Variants in GOLGA2 observed in about 807,000 individuals in gnomAD.
GOLGA2 encodes the protein golgin A2.
Under a neutral mutation model 148.8 loss-of-function variants are expected in GOLGA2, and 49 were observed. The ratio of observed to expected loss-of-function variants is 0.33; its 90% CI spans 0.26 to 0.42. The LOEUF (loss-of-function observed/expected upper bound fraction) is 0.42. Ranked by LOEUF, GOLGA2 falls within the 10% of genes least tolerant of loss-of-function variation. GOLGA2 has a pLI of 1.00. For synonymous variants in GOLGA2, 501 were observed against 511.8 expected (o/e 0.98, Z 0.28); for missense variants, 1,178 against 1,304.6 (o/e 0.90, Z 1.49).
In GOLGA2 at chr9:128,261,832, G is replaced by A; in HGVS notation, c.1135-75C>T. ...CAAATAGTGCCCCTTAAAAGGGCTA[G>A]GGCTAGGCTCAATGTGCAACTCAGT... On this transcript the variant is annotated intron_variant, in intron 14 of 26. Coordinates refer to ENST00000611957, the MANE Select transcript of GOLGA2 (RefSeq NM_001366244.2). The surrounding 1 kb of genome is among the most constrained non-coding windows in gnomAD (Gnocchi z 5.7). 1 of 881,592 alleles carries A rather than the reference G, an allele frequency of 1.1e-6. No individual in the cohort carries two copies. The highest frequency in any genetic ancestry group is 1.9e-6 in the Non-Finnish European group (1 of 519,618). The allele number at this position is 881,592 out of a possible 1,614,324, so 54.6% of individuals were successfully genotyped here. A position where few individuals can be genotyped will look rare whatever the true frequency, so the allele number is the denominator to read the frequency against.
rs749131277 is a variant in GOLGA2, at chr9:128,265,865, A to G, written c.749T>C (p.Ile250Thr). ...REQLQVHIQTIGILVSEKAEL... is the reference protein window; with the variant it reads ...REQLQVHIQTTGILVSEKAEL... ...AGCTTTCTCTGATACGAGGATCCCT[A>G]TGGTCTGAATGTGAACCTTTGGGAG... Residue 250 changes from isoleucine to threonine, a missense_variant, in exon 11 of 27, where the codon ATA becomes ACA. Coordinates refer to ENST00000611957, the MANE Select transcript of GOLGA2 (RefSeq NM_001366244.2). 1 of 1,613,314 alleles carries G rather than the reference A, an allele frequency of 6.2e-7. No homozygotes were observed. The highest frequency in any genetic ancestry group is 2.2e-5 in the East Asian group (1 of 44,874).
chr9:128,258,538 C>A lies in GOLGA2; in HGVS notation c.2206G>T (p.Glu736Ter). The A allele has an allele frequency of 6.3e-7, 1 of 1,582,272 alleles. No individual in the cohort carries two copies. The highest frequency in any genetic ancestry group is 8.6e-7 in the Non-Finnish European group (1 of 1,165,732). The change falls in exon 22 of 27, where the codon GAG (glutamate) becomes TAG (stop). Residue 736 changes from glutamate to a stop codon, truncating the protein, a stop_gained. Coordinates refer to ENST00000611957, the MANE Select transcript of GOLGA2 (RefSeq NM_001366244.2). LOFTEE classifies it high-confidence loss of function. The surrounding 1 kb of genome is among the most constrained non-coding windows in gnomAD (Gnocchi z 6.6). The stretch of plus-strand genomic sequence containing the variant: ...ACCGCCTCCTCCTCCTCCTCCTCCT[C>A]ATCCTCCTCCTCCTCCCGGTCCAGT... ...DGLDREEEEDEEEEEEEAVAV... is the reference protein window; with the variant it reads ...DGLDREEEED
Position 128,275,935 on chromosome 9 carries a change from C to G in GOLGA2, c.42G>C (p.Ser14=), listed in dbSNP as rs375897790. The G allele has an allele frequency of 1.9e-6, 3 of 1,593,734 alleles. No individual in the cohort carries two copies. The highest frequency in any genetic ancestry group is 2.6e-6 in the Non-Finnish European group (3 of 1,171,538). The stretch of plus-strand genomic sequence containing the variant: ...CCAATTTGCTCTGTCGGGTTTCTTC[C>G]GACATCGCGGGGCGGGGAGGGAGGC... ...QPRLPPRPAM[S]EETRQSKLAA... Residue 14 remains serine (S), a synonymous_variant, in exon 1 of 27, where the codon TCG becomes TCC. Coordinates refer to ENST00000611957, the MANE Select transcript of GOLGA2 (RefSeq NM_001366244.2).
chr9:128,256,678 T>G lies in GOLGA2; in HGVS notation c.*389A>C. 1 of 155,574 alleles carries G rather than the reference T, an allele frequency of 6.4e-6. No homozygotes were observed. Among genetic ancestry groups the G allele is most frequent in the Non-Finnish European group, 1.4e-5 (1 of 70,526 alleles). 9.6% of individuals were successfully genotyped at this position (155,574 alleles called of 1,614,324 possible). On this transcript the variant is annotated 3_prime_UTR_variant, in exon 27 of 27. Transcript: ENST00000611957. Reference sequence around the variant, plus strand: ...GGCACGTGCCACCATGCCTGGCTAATTTTTGTATTTTTAGTAGAGACACAG... The same window carrying G: ...GGCACGTGCCACCATGCCTGGCTAAGTTTTGTATTTTTAGTAGAGACACAG...
In GOLGA2 at chr9:128,258,090, CCAG is replaced by C. The variant is rs1830012645; in HGVS notation, c.2395_2397del (p.Leu799del). ...GCCTCAGGCTCCTTCTGGGCCGAGG[CCAG>C]CAGGTGAGCCAGGCGCCGGCAGCGC... On this transcript the variant is annotated inframe_deletion, in exon 23 of 27. Transcript: ENST00000611957. The surrounding 1 kb of genome is among the most constrained non-coding windows in gnomAD (Gnocchi z 6.6). 3 of 1,610,454 alleles carry C rather than the reference CCAG, an allele frequency of 1.9e-6. No individual in the cohort carries two copies. The highest frequency in any genetic ancestry group is 2.5e-6 in the Non-Finnish European group (3 of 1,179,796).
Position 128,258,248 on chromosome 9 carries a change from G to A in GOLGA2, c.2290-50C>T. The A allele has an allele frequency of 1.4e-6, 2 of 1,414,546 alleles. No individual in the cohort carries two copies. Among genetic ancestry groups the A allele is most frequent in the Admixed American group, 2.0e-5 (1 of 49,740 alleles). 87.6% of individuals were successfully genotyped at this position (1,414,546 alleles called of 1,614,324 possible). On this transcript the variant is annotated intron_variant, in intron 22 of 26. Transcript: ENST00000611957. The surrounding 1 kb of genome is among the most constrained non-coding windows in gnomAD (Gnocchi z 6.6). ...TGTAGGAGGATATATAGGATGAACA[G>A]GGCAGGGAGGTAGAGAGCAGCCCTT... is the stretch of plus-strand genomic sequence containing the variant.
In GOLGA2 at chr9:128,261,814, T is replaced by C; in HGVS notation, c.1135-57A>G. On this transcript the variant is annotated intron_variant, in intron 14 of 26. Coordinates refer to ENST00000611957, the MANE Select transcript of GOLGA2 (RefSeq NM_001366244.2). This position sits in a 1 kb window ranked among gnomAD's most constrained non-coding sequence, Gnocchi z 5.7. ...GGGGAGCCCAGGCCGTTCCAAATAGTGCCCCTTAAAAGGGCTAGGGCTAGG... is the reference window on the plus strand; with the variant it reads ...GGGGAGCCCAGGCCGTTCCAAATAGCGCCCCTTAAAAGGGCTAGGGCTAGG... 8.7e-7 allele frequency: 1 copy of C among 1,147,146 alleles called. No individual in the cohort carries two copies. The allele number at this position is 1,147,146 out of a possible 1,614,324, so 71.1% of individuals were successfully genotyped here. A position where few individuals can be genotyped will look rare whatever the true frequency, so the allele number is the denominator to read the frequency against.
chr9:128,273,668 G>T, intron 2 of GOLGA2, 182 bp downstream of exon 2: 1 of 671,834 alleles, frequency 1.5e-6, no homozygotes, highest in South Asian at 2.1e-5. Flanking sequence ...TTATAGTTGT[G>T]AAAAGAGAGG....
chr9:128,272,881 A>C lies in GOLGA2; in HGVS notation c.208-16T>G. The C allele has an allele frequency of 1.1e-5, 13 of 1,199,144 alleles. No homozygotes were observed. The highest frequency in any genetic ancestry group is 2.4e-5 in the Admixed American group (1 of 42,462). The allele number at this position is 1,199,144 out of a possible 1,614,324, so 74.3% of individuals were successfully genotyped here. A position where few individuals can be genotyped will look rare whatever the true frequency, so the allele number is the denominator to read the frequency against. On this transcript the variant is annotated splice_polypyrimidine_tract_variant and intron_variant, in intron 2 of 26. Coordinates refer to ENST00000611957, the MANE Select transcript of GOLGA2 (RefSeq NM_001366244.2). ...TGTCCTGAATCTACAGGAGGCGAAA[A>C]GGGAAAAACAAGGGCAGGGGGAGAA...
rs1830560320 is a variant in GOLGA2, at chr9:128,265,809, G to A, written c.805C>T (p.His269Tyr). 1.2e-6 allele frequency: 2 copies of A among 1,613,496 alleles called. No homozygotes were observed. The highest frequency in any genetic ancestry group is 4.5e-5 in the East Asian group (2 of 44,884). ...ELQTALAHTQ[H>Y]AARQKEGESE... ...CCACCTTCTTTCTGCCTGGCAGCAT[G>A]CTGAGTGTGAGCCAGGGCTGTCTGT... Residue 269 changes from histidine to tyrosine, a missense_variant, in exon 11 of 27, where the codon CAT (histidine) becomes TAT (tyrosine). Transcript: ENST00000611957.
intron 12 of GOLGA2, among the ~76,000 whole-genome samples, chr9:128,264,203 G>T (rs1450337693): frequency 6.6e-6 from 1 of 151,176 alleles, no homozygotes; most frequent in African/African-American, 2.4e-5. Context: ...GGAACAGGGA[G>T]AGAGAGCGAA....
chr9:128,266,279 C>T lies in GOLGA2; in HGVS notation c.681+8G>A. On this transcript the variant is annotated splice_region_variant and intron_variant, in intron 9 of 26. Coordinates refer to ENST00000611957, the MANE Select transcript of GOLGA2 (RefSeq NM_001366244.2). This position sits in a 1 kb window ranked among gnomAD's most constrained non-coding sequence, Gnocchi z 4.2. The stretch of plus-strand genomic sequence containing the variant: ...TCATGTTGTGAGCAAACAAAGAAAT[C>T]ACGTTACTTCTTCCAACTGATCCGT... The T allele has an allele frequency of 6.2e-7, 1 of 1,609,854 alleles. No individual in the cohort carries two copies.
In GOLGA2 at chr9:128,260,024, C is replaced by G; in HGVS notation, c.1872+52G>C. ...CTGCCTCTGGCCTCACACCACCCCTCCCCAGAGGCTGGTGCCCGCCTCCCA... is the reference window on the plus strand; with the variant it reads ...CTGCCTCTGGCCTCACACCACCCCTGCCCAGAGGCTGGTGCCCGCCTCCCA... On this transcript the variant is annotated intron_variant, in intron 19 of 26. Transcript: ENST00000611957. This position sits in a 1 kb window ranked among gnomAD's most constrained non-coding sequence, Gnocchi z 4.8. The G allele has an allele frequency of 7.7e-7, 1 of 1,300,990 alleles. No individual in the cohort carries two copies. The highest frequency in any genetic ancestry group is 1.1e-6 in the Non-Finnish European group (1 of 904,742). 80.6% of individuals were successfully genotyped at this position (1,300,990 alleles called of 1,614,324 possible). A position where few individuals can be genotyped will look rare whatever the true frequency, so the allele number is the denominator to read the frequency against.
intron 4 of GOLGA2, 37 bp downstream of exon 4, chr9:128,268,383 C>G (rs780802605): frequency 1.7e-6 from 2 of 1,167,044 alleles, no homozygotes; most frequent in East Asian, 2.3e-5. Flanking sequence ...ATAATAGGTA[C>G]AGGAGGGCAG....
In GOLGA2 at chr9:128,271,596, G is replaced by A. The variant is rs1830950862; in HGVS notation, c.288+1189C>T. 6.6e-6 allele frequency among the ~76,000 whole-genome samples: 1 copy of A among 151,708 alleles called. No homozygotes were observed. Among genetic ancestry groups the A allele is most frequent in the African/African-American group, 2.4e-5 (1 of 41,274 alleles). On this transcript the variant is annotated intron_variant, in intron 3 of 26. Coordinates refer to ENST00000611957, the MANE Select transcript of GOLGA2 (RefSeq NM_001366244.2). The surrounding 1 kb of genome is among the most constrained non-coding windows in gnomAD (Gnocchi z 4.4). ...TTCACACTCTGGCCACGGCCTCACC[G>A]CTCCCCCTGCCTCCCCCACTCCCCA...
chr9:128,270,093 T>A (rs1830841122), intron 3 of GOLGA2, among the ~76,000 whole-genome samples: 1 of 151,642 alleles, frequency 6.6e-6, no homozygotes, highest in Non-Finnish European at 1.5e-5. Context: ...CCCACTGATC[T>A]CTAGGATTAG....
In GOLGA2 at chr9:128,260,023, T is replaced by A. The variant is rs145670991; in HGVS notation, c.1872+53A>T. The A allele has an allele frequency of 7.3e-3, 9,360 of 1,286,304 alleles. 48 individuals carry two copies. Among genetic ancestry groups the A allele is most frequent in the Middle Eastern group, 0.015 (66 of 4,346 alleles). 79.7% of individuals were successfully genotyped at this position (1,286,304 alleles called of 1,614,324 possible). A position where few individuals can be genotyped will look rare whatever the true frequency, so the allele number is the denominator to read the frequency against. On this transcript the variant is annotated intron_variant, in intron 19 of 26. Coordinates refer to ENST00000611957, the MANE Select transcript of GOLGA2 (RefSeq NM_001366244.2). This position sits in a 1 kb window ranked among gnomAD's most constrained non-coding sequence, Gnocchi z 4.8. ...GCTGCCTCTGGCCTCACACCACCCC[T>A]CCCCAGAGGCTGGTGCCCGCCTCCC...
rs375111472 is a variant in GOLGA2, at chr9:128,257,154, C to T, written c.3003G>A (p.Arg1001=). The change falls in exon 27 of 27, where the codon CGG becomes CGA. Residue 1001 remains arginine, a synonymous_variant. Transcript: ENST00000611957. This position sits in a 1 kb window ranked among gnomAD's most constrained non-coding sequence, Gnocchi z 8.0. ...GGTTGCTGCCCAAGCCTGGGCGCTC[C>T]CGGGGGTTCTGCATCTCACGAAGCA... The part of the protein sequence containing the change: ...MQLLREMQNP[R]ERPGLGSNPC... 21 of 1,614,044 alleles carry T rather than the reference C, an allele frequency of 1.3e-5. No individual in the cohort carries two copies. Among genetic ancestry groups the T allele is most frequent in the Admixed American group, 5.0e-5 (3 of 59,998 alleles).
Position 128,261,298 on chromosome 9 carries a change from C to A in GOLGA2, c.1333-39G>T. On this transcript the variant is annotated intron_variant, in intron 16 of 26. Coordinates refer to ENST00000611957, the MANE Select transcript of GOLGA2 (RefSeq NM_001366244.2). This position sits in a 1 kb window ranked among gnomAD's most constrained non-coding sequence, Gnocchi z 5.7. ...AGCAAGAAAGGGCCCTGGAGAGGGG[C>A]TGGTGGCTGGACAGGCTACCATCTC... 1 of 1,516,772 alleles carries A rather than the reference C, an allele frequency of 6.6e-7. No homozygotes were observed. Among genetic ancestry groups the A allele is most frequent in the Non-Finnish European group, 9.2e-7 (1 of 1,091,952 alleles). The allele number at this position is 1,516,772 out of a possible 1,614,324, so 94.0% of individuals were successfully genotyped here.
Sources: gnomAD v4.1 joint callset for allele counts (sites outside exome capture counted in the v4.1 genomes callset) on GRCh38, gnomAD v4.1.1 for gene constraint, Gnocchi (gnomAD v3.1) non-coding constraint, MANE v1.5 for transcripts, NCBI Gene and HGNC (gene_info 2026-07-23, HGNC 2026-07-21) for gene names.